Variants in REV1 observed in about 807,000 individuals in gnomAD.
The protein encoded by REV1 is REV1 DNA directed polymerase.
A neutral mutation model predicts 137.4 loss-of-function variants in REV1; 42 were observed. The ratio of observed to expected loss-of-function variants is 0.31; its 90% CI spans 0.24 to 0.40. REV1 has a LOEUF of 0.40. REV1 is among the 10% of genes least tolerant of loss of function. REV1 has a pLI of 1.00. For missense variants in REV1, 1,282 were observed against 1,490.1 expected, an observed-to-expected ratio of 0.86 and a Z score of 2.30; for synonymous variants, 524 against 519.2, an observed-to-expected ratio of 1.01 and a Z score of -0.12.
intron 8 of REV1, among the ~76,000 whole-genome samples, chr2:99,430,728 A>C (rs951310758): frequency 6.6e-6 from 1 of 152,200 alleles, no homozygotes; most frequent in Non-Finnish European, 1.5e-5. Flanking sequence ...TGGAGAGCCT[A>C]CTGGCTGCAT....
Position 99,434,358 on chromosome 2 carries a change from T to C in REV1, c.1412A>G (p.Gln471Arg). ...ANPQLEWQYY[Q>R]NKILKGKAAD... ...TGCTTTGCCTTTCAGGATTTTATTC[T>C]GGTAATACTGCCACTCCAGCTGGGG... Residue 471 changes from glutamine (Q) to arginine (R), a missense_variant, in exon 8 of 23, where the codon CAG becomes CGG. Physicochemically the swap from Gln to Arg is conservative, Grantham distance 43 (BLOSUM62 1). Transcript: ENST00000258428. 1 of 1,608,318 alleles carries C rather than the reference T, an allele frequency of 6.2e-7. No homozygotes were observed. The highest frequency in any genetic ancestry group is 8.5e-7 in the Non-Finnish European group (1 of 1,177,584).
At chr2:99,404,360 A>G (rs914246181) in intron 18 of REV1, 84 bp downstream of exon 18, 28 of 870,802 alleles carry the variant, frequency 3.2e-5, no homozygotes, top group Non-Finnish European at 5.0e-5. Flanking sequence ...TACAGAGGAG[A>G]AAGGGAAGTG....
At position 99,462,552 on chromosome 2, in the gene REV1, T is replaced by C. The variant is rs150910441; in HGVS notation, c.125A>G (p.Asp42Gly). The change falls in exon 3 of 23, where the codon GAT becomes GGT. Residue 42 changes from aspartate to glycine, a missense_variant. Around this residue, in one of 7 missense-constraint regions of REV1, gnomAD observed 107 missense variants for 164.3 expected, o/e 0.65. Transcript: ENST00000258428. ...QFRSDAAMQK[D>G]GTSSTIFSGV... ...ACTAAAAATTGTAGATGAAGTCCCA[T>C]CCTTCTGCATAGCAGCATCTGATCG... The C allele has an allele frequency of 3.1e-6, 5 of 1,613,782 alleles. No homozygotes were observed. The African/African-American group carries it at 4.0e-5, about 13-fold the overall frequency.
chr2:99,421,570 G>C lies in REV1; in HGVS notation c.1760C>G (p.Pro587Arg), dbSNP rs777449703. 1.2e-6 allele frequency: 2 copies of C among 1,614,104 alleles called. No homozygotes were observed. The highest frequency in any genetic ancestry group is 3.3e-5 in the Admixed American group (2 of 60,008). The change falls in exon 11 of 23, where the codon CCT becomes CGT. Residue 587 changes from proline to arginine, a missense_variant. Transcript: ENST00000258428. The stretch of plus-strand genomic sequence containing the variant: ...ACGAACAGCATTTGCAAATTCATCA[G>C]GAGTAAGTTTGGTCTCTGCAAGGAT... Reference protein sequence around the residue: ...TEILAETKLTPDEFANAVRME... With the variant: ...TEILAETKLTRDEFANAVRME...
chr2:99,416,308 T>C (rs1677845285), intron 12 of REV1, among the ~76,000 whole-genome samples: 1 of 152,242 alleles, frequency 6.6e-6, no homozygotes, highest in Admixed American at 6.5e-5. Context: ...GGACTTTCAC[T>C]GTACAAACCC....
At chr2:99,403,885 C>G in intron 18 of REV1, 70 bp from the exon 19 acceptor site, 1 of 1,555,308 alleles carries the variant, frequency 6.4e-7, no homozygotes, top group Non-Finnish European at 8.7e-7. Flanking sequence ...CTCTTTTTCA[C>G]AAAACAGACT....
chr2:99,478,472 T>C (rs1246516750), intron 1 of REV1, among the ~76,000 whole-genome samples: 1 of 152,060 alleles, frequency 6.6e-6, no homozygotes, highest in East Asian at 1.9e-4. Flanking sequence ...AGAGATGACA[T>C]GATAAAAATT....
At chr2:99,462,331 A>G (rs1684313278) in intron 3 of REV1, among the ~76,000 whole-genome samples, 165 bp downstream of exon 3, 1 of 152,254 alleles carries the variant, frequency 6.6e-6, no homozygotes, top group Non-Finnish European at 1.5e-5. Context: ...GGCAGGTAAA[A>G]GCAACATGGA....
intron 11 of REV1, among the ~76,000 whole-genome samples, chr2:99,421,158 A>G (rs1678614387): frequency 6.6e-6 from 1 of 151,994 alleles, no homozygotes; most frequent in South Asian, 2.1e-4. Context: ...GAGTAACAAG[A>G]CTCAGACTTA....
Position 99,429,932 on chromosome 2 carries a change from T to C in REV1, c.1455A>G (p.Ser485=). The change falls in exon 9 of 23, where the codon TCA becomes TCG. Residue 485 remains serine, a synonymous_variant. Coordinates refer to ENST00000258428, the MANE Select transcript of REV1 (RefSeq NM_016316.4). ...CAGAATCTGGATTCTCCCACAATGA[T>C]GAATCTGGTATATCTGCTTTAAAAA... The part of the protein sequence containing the change: ...LKGKAADIPD[S]SLWENPDSAQ... The C allele has an allele frequency of 6.3e-7, 1 of 1,597,738 alleles. No homozygotes were observed. The highest frequency in any genetic ancestry group is 1.1e-5 in the South Asian group (1 of 87,744).
Position 99,449,357 on chromosome 2 carries a change from C to T in REV1, c.329G>A (p.Arg110Gln), listed in dbSNP as rs763086864. 1.9e-6 allele frequency: 3 copies of T among 1,548,874 alleles called. No individual in the cohort carries two copies. The highest frequency in any genetic ancestry group is 2.6e-6 in the Non-Finnish European group (3 of 1,150,842). ...TTACCTTTCCACAATCCATTCTGGT[C>T]GAATTACTTTTTCCCCCTTTAATTC... ...IKELKGEKVIRPEWIVESIKA... is the reference protein window; with the variant it reads ...IKELKGEKVIQPEWIVESIKA... Residue 110 changes from arginine (R) to glutamine (Q), a missense_variant, in exon 4 of 23, where the codon CGA becomes CAA. Physicochemically the swap from Arg to Gln is conservative, Grantham distance 43. Transcript: ENST00000258428.
At chr2:99,404,901 GTA>G (rs907747142) in intron 17 of REV1, among the ~76,000 whole-genome samples, 1 of 152,134 alleles carries the variant, frequency 6.6e-6, no homozygotes, top group African/African-American at 2.4e-5. Context: ...GGAAAGAAGT[GTA>G]TATATACTAC....
At chr2:99,452,809 A>G (rs867556733) in intron 3 of REV1, among the ~76,000 whole-genome samples, 2 of 152,208 alleles carry the variant, frequency 1.3e-5, no homozygotes, top group Non-Finnish European at 2.9e-5. Context: ...TTAAAATCTC[A>G]AAACACTTAT....
intron 1 of REV1, among the ~76,000 whole-genome samples, chr2:99,473,446 G>A (rs1685639298): frequency 6.6e-6 from 1 of 151,896 alleles, no homozygotes; most frequent in South Asian, 2.1e-4. Flanking sequence ...TTTCCCAGAA[G>A]TACAAGTACT....
chr2:99,424,435 C>A, intron 9 of REV1, 155 bp from the exon 10 acceptor site: 2 of 782,804 alleles, frequency 2.6e-6, no homozygotes, highest in East Asian at 5.7e-5. Flanking sequence ...AAATTTACAG[C>A]CTTGTTTTCC....
intron 9 of REV1, chr2:99,424,771 A>C (rs1410741729): frequency 7.7e-7 from 1 of 1,303,728 alleles, no homozygotes; most frequent in Non-Finnish European, 1.0e-6. Flanking sequence ...TCATCCTATT[A>C]CCACCCAATT....
chr2:99,448,485 A>G (rs1682503536), intron 4 of REV1, among the ~76,000 whole-genome samples: 1 of 152,200 alleles, frequency 6.6e-6, no homozygotes, highest in African/African-American at 2.4e-5. Flanking sequence ...CCAAACCAAC[A>G]GCAGAGAAAC....
chr2:99,448,309 A>AT (rs28369967), intron 4 of REV1, among the ~76,000 whole-genome samples: 24,682 of 152,160 alleles, frequency 0.16, 2,511 homozygotes, highest in African/African-American at 0.27. Context: ...CTACTTTAAT[A>AT]TTTTACTTCT....
chr2:99,455,925 C>G (rs1319967008), intron 3 of REV1, among the ~76,000 whole-genome samples: 1 of 152,114 alleles, frequency 6.6e-6, no homozygotes, highest in Non-Finnish European at 1.5e-5. Context: ...TCAGCAGTGC[C>G]AAAATCAAAA....
Sources: allele counts gnomAD v4.1 joint callset (sites outside exome capture counted in the v4.1 genomes callset), GRCh38; gene constraint gnomAD v4.1.1; regional missense constraint gnomAD v4.1.1; transcripts MANE v1.5; gene names NCBI Gene and HGNC (gene_info 2026-07-23, HGNC 2026-07-21).